TMPRSS11A: variants seen among roughly 807,000 people sequenced by gnomAD.
TMPRSS11A encodes transmembrane serine protease 11A, also known as transmembrane protease serine 11A.
TMPRSS11A carries 53 observed loss-of-function variants against 58.9 expected under a neutral mutation model. The ratio of observed to expected loss-of-function variants is 0.90; its 90% confidence interval spans 0.72 to 1.13. The LOEUF (loss-of-function observed/expected upper bound fraction) is 1.13, where lower values mean the gene tolerates loss of function less well. Among genes scored for constraint, TMPRSS11A ranks in the 50% most tolerant of loss-of-function variants. The probability of loss-of-function intolerance (pLI) is 0.00; values close to 1 mark genes in which losing one functional copy is unlikely to be tolerated. For missense variants in TMPRSS11A, 493 were observed against 499.3 expected (o/e 0.99, Z 0.12); for synonymous variants, 167 against 169.8 (o/e 0.98, Z 0.13).
At chr4:67,950,461 C>T (rs1054032725) in intron 1 of TMPRSS11A, among the ~76,000 whole-genome samples, 2 of 152,192 alleles carry the variant, frequency 1.3e-5, no homozygotes, top group African/African-American at 2.4e-5. Flanking sequence ...AAATGTCATC[C>T]GATTAGGGTA....
At chr4:67,945,045 A>G (rs1205173984) in intron 2 of TMPRSS11A, among the ~76,000 whole-genome samples, 2 of 152,190 alleles carry the variant, frequency 1.3e-5, no homozygotes, top group Admixed American at 6.5e-5. Flanking sequence ...TGCTGAGTTG[A>G]AATGTGTACC....
In TMPRSS11A at chr4:67,914,642, T is replaced by C. The variant is rs2109732830; in HGVS notation, c.1041A>G (p.Ile347Met). 6.2e-7 allele frequency: 1 copy of C among 1,613,820 alleles called. No individual in the cohort carries two copies. Among genetic ancestry groups the C allele is most frequent in the African/African-American group, 1.3e-5 (1 of 75,034 alleles). Residue 347 changes from isoleucine to methionine, a missense_variant, in exon 9 of 10, where the codon ATA (isoleucine) becomes ATG (methionine). Ile to Met is a conservative substitution (Grantham distance 10). Transcript: ENST00000508048. ...CKQPQVYGND[I>M]KPGMFCAGYM... The stretch of plus-strand genomic sequence containing the variant: ...ATCCGGCACAGAACATTCCAGGTTT[T>C]ATATCATTGCCATACACCTGTGGTT...
chr4:67,926,493 C>T (rs772919382), intron 5 of TMPRSS11A, among the ~76,000 whole-genome samples: 3 of 152,174 alleles, frequency 2.0e-5, no homozygotes, highest in Non-Finnish European at 4.4e-5. Flanking sequence ...GGAGCGGATG[C>T]GGGAGTAGCA....
At chr4:67,951,588 A>AT (rs34015767) in intron 1 of TMPRSS11A, among the ~76,000 whole-genome samples, 66 of 133,622 alleles carry the variant, frequency 4.9e-4, no homozygotes, top group East Asian at 8.0e-4. Flanking sequence ...TTGGGGGGAT[A>AT]TTTTTTTTTT....
At chr4:67,931,846 A>AC in intron 4 of TMPRSS11A, 147 bp downstream of exon 4, 2 of 555,558 alleles carry the variant, frequency 3.6e-6, no homozygotes, top group South Asian at 6.1e-5. Context: ...TCAGCCCTAT[A>AC]CTTCAAGACT....
chr4:67,956,715 A>G (rs1358363944), intron 1 of TMPRSS11A, among the ~76,000 whole-genome samples: 1 of 152,256 alleles, frequency 6.6e-6, no homozygotes, highest in Non-Finnish European at 1.5e-5. Flanking sequence ...GTGGAATCAT[A>G]TGCTTATCTG....
chr4:67,949,374 G>A (rs1241537956), intron 1 of TMPRSS11A, among the ~76,000 whole-genome samples: 1 of 152,220 alleles, frequency 6.6e-6, no homozygotes, highest in Admixed American at 6.5e-5. Context: ...GTGGCCAGCA[G>A]ACTAGGGTGA....
In TMPRSS11A at chr4:67,910,236, T is replaced by C. The variant is rs561157440; in HGVS notation, c.*1106A>G. ...AAAAGAGAAAACATACTATATGTTA[T>C]ATGTTATAGCCCCATGTGTTATATG... is the stretch of plus-strand genomic sequence containing the variant. On this transcript the variant is annotated 3_prime_UTR_variant, in exon 10 of 10. Coordinates refer to ENST00000508048, the MANE Select transcript of TMPRSS11A (RefSeq NM_001114387.2). 30 of 152,212 alleles carry C rather than the reference T, an allele frequency of 2.0e-4. No homozygotes were observed. Among genetic ancestry groups the C allele is most frequent in the African/African-American group, 7.2e-4 (30 of 41,572 alleles). 9.4% of individuals were successfully genotyped at this position (152,212 alleles called of 1,614,324 possible). A position where few individuals can be genotyped will look rare whatever the true frequency, so the allele number is the denominator to read the frequency against.
In TMPRSS11A at chr4:67,946,445, C is replaced by G; in HGVS notation, c.133+5G>C. On this transcript the variant is annotated splice_donor_5th_base_variant and intron_variant, in intron 2 of 9. Coordinates refer to ENST00000508048, the MANE Select transcript of TMPRSS11A (RefSeq NM_001114387.2). The stretch of plus-strand genomic sequence containing the variant: ...AAATAGAGTGAAATCTTTAATTTTA[C>G]CTACCAAATACTAGGAAGTGAACCA... 11 of 1,583,942 alleles carry G rather than the reference C, an allele frequency of 6.9e-6. No homozygotes were observed. The highest frequency in any genetic ancestry group is 9.4e-6 in the Non-Finnish European group (11 of 1,168,212).
At position 67,944,688 on chromosome 4, in the gene TMPRSS11A, A is replaced by C. The variant is rs142204859; in HGVS notation, c.134-51T>G. 1.7e-4 allele frequency: 263 copies of C among 1,536,610 alleles called. 1 individual carries two copies. In the African/African-American group the frequency reaches 3.1e-3, roughly 18 times the overall value. ...ACTAAATGGTTTGGACAAAGATTTC[A>C]GAACTCAATTACAATGGGGCCAATA... On this transcript the variant is annotated intron_variant, in intron 2 of 9. Coordinates refer to ENST00000508048, the MANE Select transcript of TMPRSS11A (RefSeq NM_001114387.2).
At chr4:67,919,616 G>T (rs1036086773) in intron 7 of TMPRSS11A, among the ~76,000 whole-genome samples, 2 of 152,118 alleles carry the variant, frequency 1.3e-5, no homozygotes, top group Non-Finnish European at 2.9e-5. Flanking sequence ...AGAAGGAAAA[G>T]GATCAAAGCA....
intron 1 of TMPRSS11A, among the ~76,000 whole-genome samples, chr4:67,947,258 C>A (rs921495824): frequency 6.6e-6 from 1 of 152,160 alleles, no homozygotes; most frequent in Non-Finnish European, 1.5e-5. Context: ...AATACCCAGT[C>A]CATCTTCAAG....
intron 9 of TMPRSS11A, among the ~76,000 whole-genome samples, chr4:67,913,504 T>C (rs1720057261): frequency 6.6e-6 from 1 of 152,228 alleles, no homozygotes; most frequent in African/African-American, 2.4e-5. Flanking sequence ...AGTTTACCTC[T>C]GCTCCCCAAT....
chr4:67,917,990 C>T lies in TMPRSS11A; in HGVS notation c.952+983G>A, dbSNP rs892478706. Among the ~76,000 whole-genome samples the T allele has an allele frequency of 2.2e-4, 33 of 152,116 alleles. 1 individual carries two copies. Among genetic ancestry groups the T allele is most frequent in the Non-Finnish European group, 2.9e-5 (2 of 68,006 alleles). On this transcript the variant is annotated intron_variant, in intron 8 of 9. Transcript: ENST00000508048. ...TCACTCTGTATAAGATAAAACAAAA[C>T]CACATGGGACATCTGGAAAAAATCT...
chr4:67,955,503 G>C (rs961191176), intron 1 of TMPRSS11A, among the ~76,000 whole-genome samples: 4 of 152,182 alleles, frequency 2.6e-5, no homozygotes, highest in African/African-American at 7.2e-5. Context: ...GGAATTGTTT[G>C]TATTCAAATG....
At chr4:67,920,150 G>T (rs1720280515) in intron 7 of TMPRSS11A, among the ~76,000 whole-genome samples, 1 of 152,058 alleles carries the variant, frequency 6.6e-6, no homozygotes, top group Non-Finnish European at 1.5e-5. Flanking sequence ...TTGGGCAATG[G>T]GTGGATTATG....
rs1289160799 is a variant in TMPRSS11A, at chr4:67,944,593, G to A, written c.178C>T (p.Pro60Ser). Residue 60 changes from proline to serine, a missense_variant, in exon 3 of 10, where the codon CCA (proline) becomes TCA (serine). Coordinates refer to ENST00000508048, the MANE Select transcript of TMPRSS11A (RefSeq NM_001114387.2). ...YYHGSFKILD[P>S]QINNNFGQSN... ...TGTCCGAAATTGTTATTGATTTGTGGATCTAAAATTTTAAAGGAGCCATGA... is the reference window on the plus strand; with the variant it reads ...TGTCCGAAATTGTTATTGATTTGTGAATCTAAAATTTTAAAGGAGCCATGA... The A allele has an allele frequency of 6.2e-7, 1 of 1,612,608 alleles. No individual in the cohort carries two copies. Among genetic ancestry groups the A allele is most frequent in the South Asian group, 1.1e-5 (1 of 91,004 alleles).
At chr4:67,949,665 C>A (rs1721111978) in intron 1 of TMPRSS11A, among the ~76,000 whole-genome samples, 1 of 152,192 alleles carries the variant, frequency 6.6e-6, no homozygotes, top group Non-Finnish European at 1.5e-5. Context: ...TCAAGACCCT[C>A]CTGACCAACA....
intron 3 of TMPRSS11A, among the ~76,000 whole-genome samples, chr4:67,939,925 G>A (rs1163200724): frequency 6.6e-6 from 1 of 152,128 alleles, no homozygotes; most frequent in South Asian, 2.1e-4. Context: ...CTGACCTCAG[G>A]TAATTTGCCC....
Sources: allele counts gnomAD v4.1 joint callset (sites outside exome capture counted in the v4.1 genomes callset), GRCh38; gene constraint gnomAD v4.1.1; transcripts MANE v1.5; gene names NCBI Gene and HGNC (gene_info 2026-07-23, HGNC 2026-07-21).